GXYLT1: variants seen among roughly 807,000 people sequenced by gnomAD.
The protein encoded by GXYLT1 is glycosyltransferase 8 domain containing 3.
A neutral mutation model predicts 54.0 loss-of-function variants in GXYLT1; 29 were observed. The observed-to-expected ratio is 0.54, with a 90% CI of 0.40 to 0.73. The LOEUF is 0.73. GXYLT1 is among the 30% of genes least tolerant of loss of function. The probability of loss-of-function intolerance (pLI) is 0.00; values close to 1 mark genes in which losing one functional copy is unlikely to be tolerated. For missense variants in GXYLT1, 490 were observed against 553.4 expected, an observed-to-expected ratio of 0.89 and a Z score of 1.15; for synonymous variants, 176 against 204.1, an observed-to-expected ratio of 0.86 and a Z score of 1.17.
intron 3 of GXYLT1, among the ~76,000 whole-genome samples, chr12:42,116,669 C>T (rs1369029701): frequency 6.6e-6 from 1 of 152,216 alleles, no homozygotes; most frequent in Non-Finnish European, 1.5e-5. Context: ...AACACTTTGA[C>T]ACTGTTGGTG....
chr12:42,130,135 C>T (rs1263375159), intron 1 of GXYLT1, among the ~76,000 whole-genome samples: 1 of 152,170 alleles, frequency 6.6e-6, no homozygotes, highest in South Asian at 2.1e-4. Context: ...TCAGATAACA[C>T]AGACAAATAT....
At chr12:42,121,004 C>T (rs554751756) in intron 2 of GXYLT1, among the ~76,000 whole-genome samples, 1 of 152,254 alleles carries the variant, frequency 6.6e-6, no homozygotes, top group African/African-American at 2.4e-5. Flanking sequence ...ACTCTTTCTA[C>T]GTCTATAAAG....
chr12:42,124,673 T>C (rs1334099122), intron 2 of GXYLT1, among the ~76,000 whole-genome samples: 1 of 152,236 alleles, frequency 6.6e-6, no homozygotes, highest in Non-Finnish European at 1.5e-5. Flanking sequence ...CATATAATTT[T>C]TAAAACACAA....
Position 42,086,512 on chromosome 12 carries a change from A to G in GXYLT1, c.*1274T>C, listed in dbSNP as rs545980875. 1 of 149,708 alleles carries G rather than the reference A, an allele frequency of 6.7e-6. No homozygotes were observed. Among genetic ancestry groups the G allele is most frequent in the Admixed American group, 6.7e-5 (1 of 14,940 alleles). The allele number at this position is 149,708 out of a possible 1,614,324, so 9.3% of individuals were successfully genotyped here. Reference sequence around the variant, plus strand: ...AGAAAAAGAAGATAACCATATAGATAATCATATTGTTGGTAAAATAAGATA... The same window carrying G: ...AGAAAAAGAAGATAACCATATAGATGATCATATTGTTGGTAAAATAAGATA... On this transcript the variant is annotated 3_prime_UTR_variant, in exon 8 of 8. Transcript: ENST00000398675.
At chr12:42,097,252 AAAC>A (rs1489247026) in intron 7 of GXYLT1, among the ~76,000 whole-genome samples, 187 bp downstream of exon 7, 4 of 152,150 alleles carry the variant, frequency 2.6e-5, no homozygotes, top group African/African-American at 9.7e-5. Context: ...TTTTCTGAAA[AAAC>A]AACTACATTG....
rs1185324731 is a variant in GXYLT1, at chr12:42,144,409, C to A, written c.221+17G>T. On this transcript the variant is annotated intron_variant, in intron 1 of 7. Transcript: ENST00000398675. Reference sequence around the variant, plus strand: ...CCCCGCGCCCGCCGCGTCCCCCACACCGGGAACTGCCCGTACCTGTCCGAC... The same window carrying A: ...CCCCGCGCCCGCCGCGTCCCCCACAACGGGAACTGCCCGTACCTGTCCGAC... 41 of 1,340,256 alleles carry A rather than the reference C, an allele frequency of 3.1e-5. No homozygotes were observed. Among genetic ancestry groups the A allele is most frequent in the Non-Finnish European group, 3.5e-5 (36 of 1,042,422 alleles). 83.0% of individuals were successfully genotyped at this position (1,340,256 alleles called of 1,614,324 possible). A position where few individuals can be genotyped will look rare whatever the true frequency, so the allele number is the denominator to read the frequency against.
chr12:42,088,060 A>T, intron 7 of GXYLT1, 113 bp from the exon 8 acceptor site: 1 of 490,792 alleles, frequency 2.0e-6, no homozygotes, highest in South Asian at 3.7e-5. Context: ...TCTCCATTTA[A>T]CGTCTCACAG....
chr12:42,139,705 A>G (rs2065640741), intron 1 of GXYLT1, among the ~76,000 whole-genome samples: 1 of 152,214 alleles, frequency 6.6e-6, no homozygotes, highest in African/African-American at 2.4e-5. Flanking sequence ...ACCCTTCACA[A>G]ATATGTAACG....
At chr12:42,105,325 C>A (rs532443054) in intron 5 of GXYLT1, among the ~76,000 whole-genome samples, 1 of 152,296 alleles carries the variant, frequency 6.6e-6, no homozygotes, top group East Asian at 1.9e-4. Context: ...TAATAGCTAA[C>A]ATTTACTATG....
At chr12:42,092,784 G>A (rs900551080) in intron 7 of GXYLT1, among the ~76,000 whole-genome samples, 1 of 152,100 alleles carries the variant, frequency 6.6e-6, no homozygotes, top group African/African-American at 2.4e-5. Flanking sequence ...CAATCTTTTG[G>A]CTTCCCTAGG....
chr12:42,098,258 G>C (rs1340946832), intron 5 of GXYLT1, among the ~76,000 whole-genome samples: 1 of 152,160 alleles, frequency 6.6e-6, no homozygotes, highest in Non-Finnish European at 1.5e-5. Context: ...AAACTAGTAA[G>C]TCACGAAAGA....
In GXYLT1 at chr12:42,086,733, C is replaced by T. The variant is rs1408883532; in HGVS notation, c.*1053G>A. 2 of 152,168 alleles carry T rather than the reference C, an allele frequency of 1.3e-5. No individual in the cohort carries two copies. The highest frequency in any genetic ancestry group is 6.5e-5 in the Admixed American group (1 of 15,274). 9.4% of individuals were successfully genotyped at this position (152,168 alleles called of 1,614,324 possible). ...TAACAATCTTATTCCAAATCATCCA[C>T]TTAAGTTGTTTAACTTACTTAAAGT... On this transcript the variant is annotated 3_prime_UTR_variant, in exon 8 of 8. Transcript: ENST00000398675.
At chr12:42,115,327 G>A (rs967207024) in intron 3 of GXYLT1, among the ~76,000 whole-genome samples, 33 of 152,184 alleles carry the variant, frequency 2.2e-4, no homozygotes, top group Non-Finnish European at 4.6e-4. Context: ...ATTAGGAAAA[G>A]AGGAAGTCAA....
At chr12:42,117,021 C>T (rs989210782) in intron 3 of GXYLT1, among the ~76,000 whole-genome samples, 1 of 150,256 alleles carries the variant, frequency 6.7e-6, no homozygotes, top group African/African-American at 2.5e-5. Context: ...AGCAAACTAT[C>T]ACAAGGACAA....
Position 42,144,720 on chromosome 12 carries a change from C to T in GXYLT1, c.-74G>A, listed in dbSNP as rs1439200670. The T allele has an allele frequency of 3.1e-5, 36 of 1,162,896 alleles. No individual in the cohort carries two copies. The highest frequency in any genetic ancestry group is 6.7e-5 in the East Asian group (2 of 29,672). The allele number at this position is 1,162,896 out of a possible 1,614,324, so 72.0% of individuals were successfully genotyped here. A position where few individuals can be genotyped will look rare whatever the true frequency, so the allele number is the denominator to read the frequency against. ...CGAACTGGAGCGGAGGGAGGGGCAC[C>T]GCGCAGCCGCGGGCGCAACAAGTTC... On this transcript the variant is annotated 5_prime_UTR_variant, in exon 1 of 8. Transcript: ENST00000398675.
rs150955647 is a variant in GXYLT1 at position 42,097,996 on chromosome 12, A to G, written c.902T>C (p.Ile301Thr). The change falls in exon 6 of 8, where the codon ATA becomes ACA. Residue 301 changes from isoleucine to threonine, a missense_variant. Coordinates refer to ENST00000398675, the MANE Select transcript of GXYLT1 (RefSeq NM_173601.2). ...MTTVRLQWGD[I>T]LMPLLKKYKL... ...GTATTTTTTAAGCAATGGCATAAGTATATCTCCCCATTGTAGTCGTACAGT... is the reference window on the plus strand; with the variant it reads ...GTATTTTTTAAGCAATGGCATAAGTGTATCTCCCCATTGTAGTCGTACAGT... 39 of 1,605,030 alleles carry G rather than the reference A, an allele frequency of 2.4e-5. No homozygotes were observed. The African/African-American group carries it at 4.0e-4, about 16-fold the overall frequency.
intron 2 of GXYLT1, among the ~76,000 whole-genome samples, chr12:42,126,847 T>C (rs1360795286): frequency 7.1e-6 from 1 of 139,996 alleles, no homozygotes; most frequent in African/African-American, 2.7e-5. Flanking sequence ...GCCACTGCAC[T>C]CCAGCCTGGG....
intron 5 of GXYLT1, among the ~76,000 whole-genome samples, chr12:42,098,632 G>A (rs1016225289): frequency 4.6e-5 from 7 of 151,382 alleles, no homozygotes; most frequent in Non-Finnish European, 1.0e-4. Flanking sequence ...AAATGTATGA[G>A]TTTTGTGTCT....
In GXYLT1 at chr12:42,087,957, G is replaced by T. The variant is rs371166830; in HGVS notation, c.1162-10C>A. On this transcript the variant is annotated splice_polypyrimidine_tract_variant and intron_variant, in intron 7 of 7. Coordinates refer to ENST00000398675, the MANE Select transcript of GXYLT1 (RefSeq NM_173601.2). ...CATCTTCAAAAGAACACTAGAGAAAGAAAATTTTAAAAAATAAAAAATTTA... is the reference window on the plus strand; with the variant it reads ...CATCTTCAAAAGAACACTAGAGAAATAAAATTTTAAAAAATAAAAAATTTA... 12 of 1,443,462 alleles carry T rather than the reference G, an allele frequency of 8.3e-6. No individual in the cohort carries two copies. Among genetic ancestry groups the T allele is most frequent in the Admixed American group, 2.5e-5 (1 of 39,884 alleles). 89.4% of individuals were successfully genotyped at this position (1,443,462 alleles called of 1,614,324 possible).
Sources: allele counts gnomAD v4.1 joint callset (sites outside exome capture counted in the v4.1 genomes callset), GRCh38; gene constraint gnomAD v4.1.1; transcripts MANE v1.5; gene names NCBI Gene and HGNC (gene_info 2026-07-23, HGNC 2026-07-21).